Variants in EYA2 observed in about 807,000 individuals in gnomAD.
EYA2 encodes the protein protein phosphatase EYA2.
EYA2 carries 31 observed loss-of-function variants against 69.2 expected under a neutral mutation model. The ratio of observed to expected loss-of-function variants is 0.45; its 90% CI spans 0.34 to 0.60. The LOEUF (loss-of-function observed/expected upper bound fraction) is 0.60. EYA2 is among the 20% of genes least tolerant of loss of function. The probability of loss-of-function intolerance (pLI) is 0.02; values close to 1 mark genes in which losing one functional copy is unlikely to be tolerated. For synonymous variants in EYA2, 257 were observed against 279.4 expected, an observed-to-expected ratio of 0.92 and a Z score of 0.80; for missense variants, 622 against 701.2, an observed-to-expected ratio of 0.89 and a Z score of 1.28.
At chr20:47,009,455 C>G (rs1444430193) in intron 4 of EYA2, among the ~76,000 whole-genome samples, 1 of 152,056 alleles carries the variant, frequency 6.6e-6, no homozygotes, top group South Asian at 2.1e-4. Flanking sequence ...GTATTTTTTT[C>G]TCAATTTATT....
At chr20:46,927,784 C>G (rs1251996696) in intron 1 of EYA2, among the ~76,000 whole-genome samples, 1 of 152,180 alleles carries the variant, frequency 6.6e-6, no homozygotes, top group Non-Finnish European at 1.5e-5. Context: ...TGCCCTCTTA[C>G]TAAACGTGTG....
chr20:47,009,783 T>A (rs1305027636), intron 4 of EYA2, among the ~76,000 whole-genome samples: 1 of 152,216 alleles, frequency 6.6e-6, no homozygotes, highest in Non-Finnish European at 1.5e-5. Flanking sequence ...TCAAAAAACT[T>A]TATTTACAAA....
At chr20:47,091,038 A>T (rs2032069195) in intron 8 of EYA2, among the ~76,000 whole-genome samples, 1 of 152,166 alleles carries the variant, frequency 6.6e-6, no homozygotes, top group Non-Finnish European at 1.5e-5. Context: ...CACCAGCGTC[A>T]CATCCCTATT....
chr20:47,010,897 C>T (rs1983020897), intron 4 of EYA2, among the ~76,000 whole-genome samples: 1 of 151,158 alleles, frequency 6.6e-6, no homozygotes, highest in South Asian at 2.1e-4. Context: ...AAGTGATTCT[C>T]CTGCTTCAGC....
chr20:47,162,585 A>G (rs58605867), intron 10 of EYA2, among the ~76,000 whole-genome samples: 2,755 of 144,930 alleles, frequency 0.019, 94 homozygotes, highest in African/African-American at 0.068. Flanking sequence ...TGGTGCGATC[A>G]TAACTCACTC....
At chr20:46,916,761 C>T (rs1247338245) in intron 1 of EYA2, among the ~76,000 whole-genome samples, 1 of 152,110 alleles carries the variant, frequency 6.6e-6, no homozygotes, top group Non-Finnish European at 1.5e-5. Context: ...AAATGATGCT[C>T]ACTTTCTTCC....
chr20:47,166,592 G>A (rs956935802), intron 10 of EYA2, among the ~76,000 whole-genome samples: 1 of 151,916 alleles, frequency 6.6e-6, no homozygotes, highest in Non-Finnish European at 1.5e-5. Context: ...TCCTCCAGCA[G>A]CCTTTGTAAG....
chr20:47,188,116 G>A lies in EYA2; in HGVS notation c.1600G>A (p.Glu534Lys). 6.3e-7 allele frequency: 1 copy of A among 1,584,150 alleles called. No individual in the cohort carries two copies. Among genetic ancestry groups the A allele is most frequent in the South Asian group, 1.2e-5 (1 of 86,450 alleles). ...ADLEALRHAL[E>K]LEYL ...CCTGGAGGCACTGAGGCACGCCCTG[G>A]AGCTGGAGTATTTATAGCAGGATCA... The change falls in exon 16 of 16, where the codon GAG becomes AAG. Residue 534 changes from glutamate (E) to lysine (K), a missense_variant. Transcript: ENST00000327619.
At chr20:47,051,159 G>A (rs1214833004) in intron 5 of EYA2, among the ~76,000 whole-genome samples, 1 of 152,244 alleles carries the variant, frequency 6.6e-6, no homozygotes, top group Non-Finnish European at 1.5e-5. Flanking sequence ...TTTCCCTCTC[G>A]TTGAGCACTG....
chr20:47,112,602 G>C (rs2032777487), intron 9 of EYA2, among the ~76,000 whole-genome samples: 1 of 152,082 alleles, frequency 6.6e-6, no homozygotes, highest in South Asian at 2.1e-4. Context: ...AGTCAAGGAA[G>C]ACTTCCTGTA....
chr20:46,926,291 C>T (rs1207174972), intron 1 of EYA2, among the ~76,000 whole-genome samples: 3 of 152,174 alleles, frequency 2.0e-5, no homozygotes, highest in Non-Finnish European at 4.4e-5. Context: ...TTGGTTCATG[C>T]AGTCATTCAA....
chr20:47,080,972 A>ATCC lies in EYA2; in HGVS notation c.661+6641_661+6643dup, dbSNP rs370309542. On this transcript the variant is annotated intron_variant, in intron 7 of 15. Transcript: ENST00000327619. ...AACCTCGAACTCCTGGGCTCAAGCA[A>ATCC]TCCTCCCTCAGCCTCTCAAGTAGTT... is the stretch of plus-strand genomic sequence containing the variant. Among the ~76,000 whole-genome samples the ATCC allele has an allele frequency of 3.1e-3, 464 of 152,122 alleles. 3 individuals are homozygous for ATCC. Among genetic ancestry groups the ATCC allele is most frequent in the African/African-American group, 0.011 (439 of 41,502 alleles).
intron 7 of EYA2, among the ~76,000 whole-genome samples, chr20:47,080,227 A>G (rs1441993420): frequency 6.6e-6 from 1 of 152,096 alleles, no homozygotes; most frequent in Non-Finnish European, 1.5e-5. Flanking sequence ...TCAATAATAT[A>G]CATTTCAGTG....
rs548990205 is a variant in EYA2 at position 46,981,242 on chromosome 20, A to G, written c.-10-8759A>G. Among the ~76,000 whole-genome samples, 4 of 152,318 alleles carry G rather than the reference A, an allele frequency of 2.6e-5. No individual in the cohort carries two copies. The South Asian group carries it at 8.3e-4, about 32-fold the overall frequency. ...GATCAGGAAAATTGCCTGGTGTATAATAGGTGCTTGGGAAATGAGAACCAT... is the reference window on the plus strand; with the variant it reads ...GATCAGGAAAATTGCCTGGTGTATAGTAGGTGCTTGGGAAATGAGAACCAT... On this transcript the variant is annotated intron_variant, in intron 1 of 15. Coordinates refer to ENST00000327619, the MANE Select transcript of EYA2 (RefSeq NM_005244.5).
In EYA2 at chr20:47,144,083, C is replaced by T. The variant is rs187571530; in HGVS notation, c.978+935C>T. ...TGAAAAGTAAAGGCAACCGGCCGGGCGCGGTGGCTCACGCCTGTAATCCCA... is the reference window on the plus strand; with the variant it reads ...TGAAAAGTAAAGGCAACCGGCCGGGTGCGGTGGCTCACGCCTGTAATCCCA... On this transcript the variant is annotated intron_variant, in intron 10 of 15. Transcript: ENST00000327619. 1.2e-3 allele frequency among the ~76,000 whole-genome samples: 186 copies of T among 152,280 alleles called. 2 individuals are homozygous for T. The South Asian group carries it at 0.016, about 13-fold the overall frequency.
intron 1 of EYA2, among the ~76,000 whole-genome samples, chr20:46,981,181 C>T (rs1422653448): frequency 2.6e-5 from 4 of 152,050 alleles, no homozygotes; most frequent in South Asian, 2.1e-4. Context: ...TATCTCCCAG[C>T]GTGGTTGAGA....
chr20:46,991,807 A>C (rs1369045077), intron 2 of EYA2, among the ~76,000 whole-genome samples: 1 of 152,060 alleles, frequency 6.6e-6, no homozygotes, highest in East Asian at 1.9e-4. Context: ...GTCTCTATTA[A>C]AAATGCAAAA....
At chr20:47,055,291 C>G (rs377485148) in intron 5 of EYA2, among the ~76,000 whole-genome samples, 18 of 152,314 alleles carry the variant, frequency 1.2e-4, no homozygotes, top group African/African-American at 4.3e-4. Flanking sequence ...GTTTCAGAAA[C>G]TCTGGTCTTT....
chr20:47,133,042 C>T (rs979159727), intron 9 of EYA2, among the ~76,000 whole-genome samples: 5 of 152,220 alleles, frequency 3.3e-5, no homozygotes, highest in East Asian at 1.9e-4. Context: ...TGATTATAAG[C>T]GACAGAAATT....
Sources: gnomAD v4.1 joint callset for allele counts (sites outside exome capture counted in the v4.1 genomes callset) on GRCh38, gnomAD v4.1.1 for gene constraint, MANE v1.5 for transcripts, NCBI Gene and HGNC (gene_info 2026-07-23, HGNC 2026-07-21) for gene names.